VIT: variants seen among roughly 807,000 people sequenced by gnomAD.
VIT encodes vitrin.
In VIT, 99 loss-of-function variants were observed where a neutral mutation model predicts 78.0. The observed-to-expected ratio is 1.27, with a 90% CI of 1.08 to 1.50. VIT has a LOEUF of 1.50. Ranked by LOEUF, VIT falls within the 40% of genes most tolerant of loss-of-function variation. The pLI, the probability that VIT is intolerant of heterozygous loss-of-function variation, is 0.00. For missense variants in VIT, 1,126 were observed against 875.3 expected (o/e 1.29, Z -3.61); for synonymous variants, 374 against 334.3 (o/e 1.12, Z -1.29).
At chr2:36,741,558 T>G (rs1572453795) in intron 3 of VIT, among the ~76,000 whole-genome samples, 1 of 152,208 alleles carries the variant, frequency 6.6e-6, no homozygotes, top group East Asian at 1.9e-4. Flanking sequence ...TTCTCCTCAT[T>G]CAGGTACACA....
At chr2:36,795,649 A>G (rs1043041875) in intron 12 of VIT, among the ~76,000 whole-genome samples, 1 of 152,036 alleles carries the variant, frequency 6.6e-6, no homozygotes, top group Non-Finnish European at 1.5e-5. Flanking sequence ...TCCTGACCTC[A>G]GGTGATCCGC....
intron 15 of VIT, among the ~76,000 whole-genome samples, chr2:36,810,774 C>T (rs1003900659): frequency 6.6e-6 from 1 of 152,064 alleles, no homozygotes; most frequent in African/African-American, 2.4e-5. Context: ...GCTGGGATTA[C>T]AGGCACACAC....
At position 36,804,960 on chromosome 2, in the gene VIT, G is replaced by A. The variant is rs1226152419; in HGVS notation, c.1163-478G>A. On this transcript the variant is annotated intron_variant, in intron 13 of 15. Coordinates refer to ENST00000379242, the MANE Select transcript of VIT (RefSeq NM_053276.4). ...GTGGTAACGGCTGCACATTGTGAAC[G>A]TACTTAATGCCACTGAATTGTACAC... Among the ~76,000 whole-genome samples the A allele has an allele frequency of 2.6e-5, 4 of 152,114 alleles. No individual in the cohort carries two copies. In the South Asian group the frequency reaches 8.3e-4, roughly 32 times the overall value.
chr2:36,802,482 C>T (rs1666402000), intron 13 of VIT, among the ~76,000 whole-genome samples: 1 of 152,214 alleles, frequency 6.6e-6, no homozygotes. Flanking sequence ...CTTCCCACTT[C>T]AGTGTATGTC....
chr2:36,770,287 G>A (rs1277384542), intron 7 of VIT, among the ~76,000 whole-genome samples: 1 of 152,208 alleles, frequency 6.6e-6, no homozygotes, highest in African/African-American at 2.4e-5. Context: ...CAAAACAGGA[G>A]CTACCTGTGT....
Position 36,767,281 on chromosome 2 carries a change from G to A in VIT, c.675G>A (p.Glu225=). The part of the protein sequence containing the change: ...RPQSVGHRSQ[E]MDLWSTATYT... The stretch of plus-strand genomic sequence containing the variant: ...AATCAGTGGGCCACAGGAGCCAGGA[G>A]ATGGGTCAGTAGGTAGACCATGTGT... The change falls in exon 7 of 16, where the codon GAG becomes GAA. Residue 225 remains glutamate (E), a synonymous_variant. Coordinates refer to ENST00000379242, the MANE Select transcript of VIT (RefSeq NM_053276.4). 1 of 1,566,150 alleles carries A rather than the reference G, an allele frequency of 6.4e-7. No individual in the cohort carries two copies. Among genetic ancestry groups the A allele is most frequent in the Non-Finnish European group, 8.6e-7 (1 of 1,157,286 alleles).
rs1263691944 is a variant in VIT, at chr2:36,811,645, T to C, written c.1904-2538T>C. The stretch of plus-strand genomic sequence containing the variant: ...TGGACTTGGGATCTGGAAAACTAAA[T>C]TTATTTTCTTTTTTTTCTTTCTTTC... On this transcript the variant is annotated intron_variant, in intron 15 of 15. Transcript: ENST00000379242. Among the ~76,000 whole-genome samples the C allele has an allele frequency of 2.0e-5, 3 of 151,888 alleles. No individual in the cohort carries two copies. In the East Asian group the frequency reaches 5.8e-4, roughly 29 times the overall value.
At chr2:36,716,869 CTTTTTT>C (rs557873230) in intron 2 of VIT, among the ~76,000 whole-genome samples, 7 of 78,672 alleles carry the variant, frequency 8.9e-5, no homozygotes, top group Admixed American at 1.6e-4. Context: ...AGAGATGATT[CTTTTTT>C]TTTTTTTTTT....
chr2:36,763,141 C>T (rs1377987911), intron 6 of VIT, among the ~76,000 whole-genome samples: 2 of 152,210 alleles, frequency 1.3e-5, no homozygotes, highest in African/African-American at 2.4e-5. Context: ...TGCTGAGTCC[C>T]CCGCTGTGGT....
At chr2:36,789,037 A>G (rs1665301430) in intron 12 of VIT, among the ~76,000 whole-genome samples, 1 of 152,192 alleles carries the variant, frequency 6.6e-6, no homozygotes, top group South Asian at 2.1e-4. Context: ...TACTATCTAA[A>G]AAATCCCTTG....
intron 2 of VIT, among the ~76,000 whole-genome samples, chr2:36,722,404 CT>C (rs1294987648): frequency 2.6e-5 from 4 of 152,176 alleles, no homozygotes; most frequent in Non-Finnish European, 1.5e-5. Context: ...AAAGCTCCTC[CT>C]AGCTTTAAAT....
At chr2:36,761,923 A>G (rs1182784876) in intron 6 of VIT, among the ~76,000 whole-genome samples, 1 of 152,046 alleles carries the variant, frequency 6.6e-6, no homozygotes, top group African/African-American at 2.4e-5. Flanking sequence ...CCCTTTTCAG[A>G]TAAGGAAGCT....
intron 13 of VIT, among the ~76,000 whole-genome samples, chr2:36,803,517 A>C (rs1348829273): frequency 6.6e-6 from 1 of 152,186 alleles, no homozygotes; most frequent in Non-Finnish European, 1.5e-5. Flanking sequence ...TAGGTGCCTA[A>C]TATTAGGCCA....
rs548095674 is a variant in VIT, at chr2:36,770,098, C to A, written c.679+2813C>A. 3.3e-5 allele frequency among the ~76,000 whole-genome samples: 5 copies of A among 152,290 alleles called. No homozygotes were observed. In the East Asian group the frequency reaches 9.6e-4, roughly 29 times the overall value. On this transcript the variant is annotated intron_variant, in intron 7 of 15. Coordinates refer to ENST00000379242, the MANE Select transcript of VIT (RefSeq NM_053276.4). The stretch of plus-strand genomic sequence containing the variant: ...TGGCTGTAGGCAAAAGGTTCTAGAA[C>A]TGGTTGTGGACAGGGTGTTCAAGCA...
chr2:36,795,385 T>TC lies in VIT; in HGVS notation c.1059-5916_1059-5915insC, dbSNP rs1665816230. Among the ~76,000 whole-genome samples the TC allele has an allele frequency of 1.6e-4, 3 of 19,326 alleles. No homozygotes were observed. The East Asian group carries it at 0.3, about 1,933-fold the overall frequency. 12.7% of individuals were successfully genotyped at this position (19,326 alleles called of 152,430 possible). ...ATTTTATTTATTTTATTTTATTTTA[T>TC]ATTTTATTTTATATTTTATTTATTT... On this transcript the variant is annotated intron_variant, in intron 12 of 15. Transcript: ENST00000379242.
chr2:36,768,769 A>C (rs1032463465), intron 7 of VIT, among the ~76,000 whole-genome samples: 4 of 152,222 alleles, frequency 2.6e-5, no homozygotes, highest in African/African-American at 9.6e-5. Flanking sequence ...GCAAAATTAA[A>C]AGGTGCTCAG....
chr2:36,701,196 G>T (rs1665035113), intron 1 of VIT, among the ~76,000 whole-genome samples: 1 of 152,034 alleles, frequency 6.6e-6, no homozygotes, highest in African/African-American at 2.4e-5. Context: ...GGGAAGTTTT[G>T]TCAGGAGAAG....
chr2:36,776,441 A>AG lies in VIT; in HGVS notation c.802+1375dup, dbSNP rs545257155. Among the ~76,000 whole-genome samples the AG allele has an allele frequency of 9.8e-4, 90 of 91,898 alleles. No homozygotes were observed. The East Asian group carries it at 0.019, about 20-fold the overall frequency. 60.3% of individuals were successfully genotyped at this position (91,898 alleles called of 152,430 possible). ...CACTGAAGCCTTGGTTTTAGAAAAC[A>AG]GTTTTTTTTCAGTAAAAATTAACGC... is the stretch of plus-strand genomic sequence containing the variant. On this transcript the variant is annotated intron_variant, in intron 9 of 15. Transcript: ENST00000379242.
intron 9 of VIT, among the ~76,000 whole-genome samples, chr2:36,780,819 A>G (rs1664698652): frequency 7.1e-6 from 1 of 141,250 alleles, no homozygotes; most frequent in South Asian, 2.7e-4. Context: ...GGAGGGTGGG[A>G]TGGAGGGAGG....
Sources: gnomAD v4.1 joint callset for allele counts (sites outside exome capture counted in the v4.1 genomes callset) on GRCh38, gnomAD v4.1.1 for gene constraint, MANE v1.5 for transcripts, NCBI Gene and HGNC (gene_info 2026-07-23, HGNC 2026-07-21) for gene names.